PPP6R3: variants seen among roughly 807,000 people sequenced by gnomAD.
The protein encoded by PPP6R3 is serine/threonine-protein phosphatase 6 regulatory subunit 3.
A neutral mutation model predicts 110.7 loss-of-function variants in PPP6R3; 38 were observed. The ratio of observed to expected loss-of-function variants is 0.34; its 90% CI spans 0.26 to 0.45. PPP6R3 has a LOEUF of 0.45. Ranked by LOEUF, PPP6R3 falls within the 20% of genes least tolerant of loss-of-function variation. The probability of loss-of-function intolerance (pLI) is 1.00; values close to 1 mark genes in which losing one functional copy is unlikely to be tolerated. For synonymous variants in PPP6R3, 369 were observed against 373.5 expected (o/e 0.99, Z 0.14); for missense variants, 870 against 1,062.4 (o/e 0.82, Z 2.52).
chr11:68,600,625 C>T (rs2099628931), intron 20 of PPP6R3, 131 bp downstream of exon 20: 1 of 973,212 alleles, frequency 1.0e-6, no homozygotes, highest in East Asian at 2.6e-5. Context: ...AAAGATTAAA[C>T]ATCAGCATAC....
intron 1 of PPP6R3, among the ~76,000 whole-genome samples, chr11:68,512,520 A>G (rs2099115861): frequency 6.6e-6 from 1 of 152,230 alleles, no homozygotes; most frequent in African/African-American, 2.4e-5. Context: ...GGGAAGGGAC[A>G]GTATGTTTTT....
At chr11:68,526,440 C>T (rs2099198457) in intron 2 of PPP6R3, among the ~76,000 whole-genome samples, 2 of 152,022 alleles carry the variant, frequency 1.3e-5, no homozygotes, top group African/African-American at 4.8e-5. Flanking sequence ...GACAAGATCT[C>T]CCTTTGTTGC....
chr11:68,515,034 A>G (rs1342600295), intron 1 of PPP6R3: 1 of 152,102 alleles, frequency 6.6e-6, no homozygotes, highest in African/African-American at 2.4e-5. Context: ...TCAGGCTCAG[A>G]AGGAAAGAAA....
chr11:68,537,707 A>G lies in PPP6R3; in HGVS notation c.43A>G (p.Thr15Ala). The change falls in exon 3 of 24, where the codon ACA becomes GCA. Residue 15 changes from threonine (T) to alanine (A), a missense_variant. Coordinates refer to ENST00000393800, the MANE Select transcript of PPP6R3 (RefSeq NM_001164161.2). ...FDLHSSSHID[T>A]LLEREDVTLK... ...TCTTCACTCATCATCCCACATAGAC[A>G]CACTTCTAGAAAGAGAAGATGTAAC... 6.2e-7 allele frequency: 1 copy of G among 1,612,774 alleles called. No homozygotes were observed. The highest frequency in any genetic ancestry group is 8.5e-7 in the Non-Finnish European group (1 of 1,178,892).
chr11:68,475,394 T>C (rs561738080), intron 1 of PPP6R3, among the ~76,000 whole-genome samples: 1 of 152,280 alleles, frequency 6.6e-6, no homozygotes, highest in African/African-American at 2.4e-5. Context: ...AAAACCGCCA[T>C]CGTCATCATG....
intron 1 of PPP6R3, among the ~76,000 whole-genome samples, chr11:68,465,822 A>C (rs2098741394): frequency 6.6e-6 from 1 of 152,164 alleles, no homozygotes; most frequent in Non-Finnish European, 1.5e-5. Context: ...ATTTGTTTAA[A>C]CTTTGGGTGG....
chr11:68,575,110 C>G (rs1172442243), intron 13 of PPP6R3, among the ~76,000 whole-genome samples: 1 of 152,206 alleles, frequency 6.6e-6, no homozygotes, highest in Non-Finnish European at 1.5e-5. Flanking sequence ...TGGGCCATTT[C>G]ACCACACAGT....
At chr11:68,564,999 T>A (rs989537351) in intron 9 of PPP6R3, among the ~76,000 whole-genome samples, 1 of 152,196 alleles carries the variant, frequency 6.6e-6, no homozygotes, top group African/African-American at 2.4e-5. Flanking sequence ...TGATACAGAT[T>A]TAGATTAGGG....
At position 68,614,064 on chromosome 11, in the gene PPP6R3, A is replaced by G; in HGVS notation, c.*947A>G. The G allele has an allele frequency of 1.0e-6, 1 of 985,914 alleles. No homozygotes were observed. Among genetic ancestry groups the G allele is most frequent in the Non-Finnish European group, 1.2e-6 (1 of 829,998 alleles). 61.1% of individuals were successfully genotyped at this position (985,914 alleles called of 1,614,324 possible). On this transcript the variant is annotated 3_prime_UTR_variant, in exon 24 of 24. Coordinates refer to ENST00000393800, the MANE Select transcript of PPP6R3 (RefSeq NM_001164161.2). ...TAACAGACCTAAAATAAATCCTATT[A>G]GGCAAGTCAGTTGAAAATGCTCGTG...
chr11:68,556,031 A>C (rs188229898), intron 7 of PPP6R3, among the ~76,000 whole-genome samples: 1 of 152,322 alleles, frequency 6.6e-6, no homozygotes, highest in Admixed American at 6.5e-5. Context: ...TATATATTTG[A>C]TATATTATGT....
At chr11:68,473,570 GGTAAAACAAC>G (rs2098807570) in intron 1 of PPP6R3, among the ~76,000 whole-genome samples, 1 of 152,202 alleles carries the variant, frequency 6.6e-6, no homozygotes. Flanking sequence ...GGGAAGCACA[GGTAAAACAAC>G]CTGGAGCTTG....
rs1455427185 is a variant in PPP6R3 at position 68,558,673 on chromosome 11, G to A, written c.839G>A (p.Arg280Gln). Residue 280 changes from arginine to glutamine, a missense_variant, in exon 8 of 24, where the codon CGA (arginine) becomes CAA (glutamine). Arg to Gln is a conservative substitution (Grantham distance 43, BLOSUM62 1). Coordinates refer to ENST00000393800, the MANE Select transcript of PPP6R3 (RefSeq NM_001164161.2). Reference sequence around the variant, plus strand: ...TTGCTGACTTTACTTGAGACACGACGACCAACGTAAGCTTTTCTTATATCT... The same window carrying A: ...TTGCTGACTTTACTTGAGACACGACAACCAACGTAAGCTTTTCTTATATCT... ...QILLTLLETR[R>Q]PTFEGHIEIC... The A allele has an allele frequency of 2.5e-6, 4 of 1,604,174 alleles. No homozygotes were observed. The highest frequency in any genetic ancestry group is 1.7e-5 in the Admixed American group (1 of 59,288).
chr11:68,598,793 C>T (rs2099621720), intron 19 of PPP6R3, among the ~76,000 whole-genome samples: 1 of 152,170 alleles, frequency 6.6e-6, no homozygotes. Context: ...GATTCCAGAG[C>T]TTTGCATAGA....
At chr11:68,506,905 G>T (rs1056398210) in intron 1 of PPP6R3, among the ~76,000 whole-genome samples, 1 of 152,184 alleles carries the variant, frequency 6.6e-6, no homozygotes, top group African/African-American at 2.4e-5. Flanking sequence ...CCCACTAAAT[G>T]TAGCTCGGTG....
At chr11:68,553,969 C>T (rs1381941984) in intron 6 of PPP6R3, among the ~76,000 whole-genome samples, 176 bp from the exon 7 acceptor site, 1 of 152,206 alleles carries the variant, frequency 6.6e-6, no homozygotes, top group Admixed American at 6.5e-5. Context: ...AAAGCTCATT[C>T]ACCTGACAAA....
At chr11:68,493,724 C>G (rs927849067) in intron 1 of PPP6R3, among the ~76,000 whole-genome samples, 8 of 151,084 alleles carry the variant, frequency 5.3e-5, no homozygotes, top group South Asian at 2.1e-4. Context: ...TCCCAAAGTA[C>G]TGGATTACAG....
intron 1 of PPP6R3, among the ~76,000 whole-genome samples, chr11:68,501,941 G>T (rs2099050979): frequency 6.6e-6 from 1 of 152,172 alleles, no homozygotes; most frequent in African/African-American, 2.4e-5. Context: ...AACTGAACCA[G>T]TTTTGTCTGC....
chr11:68,523,793 A>C (rs1333554455), intron 2 of PPP6R3, among the ~76,000 whole-genome samples: 1 of 131,798 alleles, frequency 7.6e-6, no homozygotes, highest in African/African-American at 2.9e-5. Flanking sequence ...TTTTATTTGA[A>C]TATTGGACTT....
chr11:68,542,364 A>T (rs953086969), intron 3 of PPP6R3, among the ~76,000 whole-genome samples: 2 of 117,404 alleles, frequency 1.7e-5, no homozygotes, highest in African/African-American at 6.6e-5. Context: ...GAGTGGAGGC[A>T]TCTTTGGGTG....
Sources: gnomAD v4.1 joint callset for allele counts (sites outside exome capture counted in the v4.1 genomes callset) on GRCh38, gnomAD v4.1.1 for gene constraint, MANE v1.5 for transcripts, NCBI Gene and HGNC (gene_info 2026-07-23, HGNC 2026-07-21) for gene names.